TNS3: variants seen among roughly 807,000 people sequenced by gnomAD.
TNS3 encodes the protein tensin 3, also known as tensin-3.
In TNS3, 45 loss-of-function variants were observed where a neutral mutation model predicts 140.9. The ratio of observed to expected loss-of-function variants is 0.32; its 90% CI spans 0.25 to 0.41. The LOEUF (loss-of-function observed/expected upper bound fraction) is 0.41, where lower values mean the gene tolerates loss of function less well. TNS3 is among the 10% of genes least tolerant of loss of function. The probability of loss-of-function intolerance (pLI) is 1.00; values close to 1 mark genes in which losing one functional copy is unlikely to be tolerated. For missense variants in TNS3, 1,716 were observed against 1,906.7 expected, an observed-to-expected ratio of 0.90 and a Z score of 1.86; for synonymous variants, 815 against 788.4, an observed-to-expected ratio of 1.03 and a Z score of -0.56.
At chr7:47,320,738 T>C (rs986405797) in intron 20 of TNS3, among the ~76,000 whole-genome samples, 31 of 151,954 alleles carry the variant, frequency 2.0e-4, no homozygotes, top group African/African-American at 7.5e-4. Context: ...CATCCTGGGG[T>C]TCGGGTTAAG....
chr7:47,406,708 T>C (rs781473716), intron 13 of TNS3, among the ~76,000 whole-genome samples: 3 of 152,190 alleles, frequency 2.0e-5, no homozygotes, highest in Non-Finnish European at 4.4e-5. Flanking sequence ...TTCTGCTCGT[T>C]AGGATCCTCT....
intron 2 of TNS3, among the ~76,000 whole-genome samples, chr7:47,512,622 C>T (rs1349885466): frequency 2.0e-5 from 3 of 152,212 alleles, no homozygotes; most frequent in Middle Eastern, 6.8e-3. Context: ...CAGACATGCG[C>T]GGTGGCCTCA....
intron 3 of TNS3, among the ~76,000 whole-genome samples, chr7:47,497,139 T>C (rs918551816): frequency 1.3e-5 from 2 of 152,252 alleles, no homozygotes; most frequent in East Asian, 3.8e-4. Flanking sequence ...GAAGAAAATT[T>C]AGAAAATATA....
At chr7:47,497,662 AACACACACACACAC>A (rs6150097) in intron 3 of TNS3, among the ~76,000 whole-genome samples, 1 of 91,140 alleles carries the variant, frequency 1.1e-5, no homozygotes, top group African/African-American at 3.5e-5. Context: ...TCACGTATGG[AACACACACACACAC>A]ACACACACAC....
chr7:47,562,588 A>G (rs1800340193), intron 1 of TNS3, among the ~76,000 whole-genome samples: 1 of 152,046 alleles, frequency 6.6e-6, no homozygotes, highest in South Asian at 2.1e-4. Flanking sequence ...GTTTCATCAT[A>G]TGGGTCAGGC....
chr7:47,478,752 T>C (rs1797294423), intron 4 of TNS3, among the ~76,000 whole-genome samples: 1 of 152,122 alleles, frequency 6.6e-6, no homozygotes, highest in African/African-American at 2.4e-5. Context: ...TGTATTCATG[T>C]GTTGACACAT....
intron 11 of TNS3, among the ~76,000 whole-genome samples, chr7:47,414,568 G>T (rs1365518822): frequency 1.3e-5 from 2 of 152,180 alleles, no homozygotes; most frequent in Non-Finnish European, 2.9e-5. Context: ...GTGGAGACAG[G>T]GCCGTGATCC....
intron 20 of TNS3, among the ~76,000 whole-genome samples, chr7:47,332,187 G>C (rs754864609): frequency 5.3e-5 from 8 of 152,248 alleles, no homozygotes; most frequent in Admixed American, 2.0e-4. Flanking sequence ...TTTACCTCTT[G>C]ACGCCCAGTG....
At chr7:47,328,082 A>G (rs576297466) in intron 20 of TNS3, among the ~76,000 whole-genome samples, 1 of 152,272 alleles carries the variant, frequency 6.6e-6, no homozygotes, top group African/African-American at 2.4e-5. Flanking sequence ...CTACGTGGTG[A>G]GCAGAGTCCC....
chr7:47,370,302 A>C (rs1168297761), intron 16 of TNS3, among the ~76,000 whole-genome samples: 1 of 152,192 alleles, frequency 6.6e-6, no homozygotes, highest in Non-Finnish European at 1.5e-5. Flanking sequence ...AAAGAAAAAA[A>C]CTGAATGTCT....
rs3807589 is a variant in TNS3, at chr7:47,303,485, C to T, written c.2922G>A (p.Glu974=). The change falls in exon 22 of 31, where the codon GAG becomes GAA. Residue 974 remains glutamate (E), a synonymous_variant. Coordinates refer to ENST00000311160, the MANE Select transcript of TNS3 (RefSeq NM_022748.12). ...GGGAGTCCTTCCTGGTACCGGAGAA[C>T]TCAGCGCTGAGGGGACTTCCGGTGG... is the stretch of plus-strand genomic sequence containing the variant. The part of the protein sequence containing the change: ...GRPTGSPLSA[E]FSGTRKDSPV... 0.083 allele frequency: 133,321 copies of T among 1,610,766 alleles called. 6,150 individuals carry two copies. The highest frequency in any genetic ancestry group is 0.15 in the African/African-American group (11,488 of 74,996).
chr7:47,303,016 T>C lies in TNS3; in HGVS notation c.3391A>G (p.Ser1131Gly), dbSNP rs750496565. The C allele has an allele frequency of 1.9e-6, 3 of 1,613,904 alleles. No individual in the cohort carries two copies. In the Admixed American group the frequency reaches 5.0e-5, roughly 27 times the overall value. The change falls in exon 22 of 31, where the codon AGT becomes GGT. Residue 1131 changes from serine to glycine, a missense_variant. Coordinates refer to ENST00000311160, the MANE Select transcript of TNS3 (RefSeq NM_022748.12). ...FSSPHSGSTI[S>G]IPFPNVLPDF... ...GGAAGGACATTTGGGAAGGGGATAC[T>C]GATGGTGCTCCCGCTGTGCGGGCTG...
At chr7:47,428,588 TAA>T (rs1475039204) in intron 8 of TNS3, among the ~76,000 whole-genome samples, 1 of 152,018 alleles carries the variant, frequency 6.6e-6, no homozygotes, top group Non-Finnish European at 1.5e-5. Flanking sequence ...GTGCAAACAG[TAA>T]GAGTGGGTGC....
At chr7:47,339,145 C>T (rs1157215622) in intron 20 of TNS3, among the ~76,000 whole-genome samples, 1 of 152,088 alleles carries the variant, frequency 6.6e-6, no homozygotes, top group East Asian at 1.9e-4. Flanking sequence ...TTTTCTCCTA[C>T]TCTGCAGTTT....
At position 47,400,864 on chromosome 7, in the gene TNS3, GA is replaced by G; in HGVS notation, c.773del (p.Phe258SerfsTer39). Reference sequence around the variant, plus strand: ...CAGCCCCAGTGTGAAACTGCAGGCGGAAAATGACGTCACGGGTGGCCGAGCG... The same window carrying G: ...CAGCCCCAGTGTGAAACTGCAGGCGGAAATGACGTCACGGGTGGCCGAGCG... Reference protein sequence around the residue: ...KYRSATRDVIFRLQFHTGAVQ... With the variant: ...KYRSATRDVIXRLQFHTGAVQ... On this transcript the variant is annotated frameshift_variant, in exon 14 of 31. Coordinates refer to ENST00000311160, the MANE Select transcript of TNS3 (RefSeq NM_022748.12). LOFTEE classifies it high-confidence loss of function. The G allele has an allele frequency of 2.5e-6, 4 of 1,614,270 alleles. No individual in the cohort carries two copies. The highest frequency in any genetic ancestry group is 3.4e-6 in the Non-Finnish European group (4 of 1,180,044).
At position 47,423,070 on chromosome 7, in the gene TNS3, G is replaced by C. The variant is rs557298803; in HGVS notation, c.473+1031C>G. ...TGGAAATAGCAAGACAAAAGGAAAA[G>C]GTGCCTCTGGTGATGCTTGAAATCC... On this transcript the variant is annotated intron_variant, in intron 10 of 30. Coordinates refer to ENST00000311160, the MANE Select transcript of TNS3 (RefSeq NM_022748.12). Among the ~76,000 whole-genome samples the C allele has an allele frequency of 1.6e-3, 245 of 152,314 alleles. 2 individuals are homozygous for C. Among genetic ancestry groups the C allele is most frequent in the African/African-American group, 5.7e-3 (237 of 41,560 alleles).
rs540200457 is a variant in TNS3 at position 47,347,526 on chromosome 7, G to C, written c.2282-1170C>G. Among the ~76,000 whole-genome samples, 18 of 151,988 alleles carry C rather than the reference G, an allele frequency of 1.2e-4. No individual in the cohort carries two copies. The East Asian group carries it at 3.5e-3, about 29-fold the overall frequency. ...CTTGTTTCTGTCTGCAGCATGGGGG[G>C]GCTCCACTGCCCGACCCTACCAGCT... On this transcript the variant is annotated intron_variant, in intron 17 of 30. Transcript: ENST00000311160.
In TNS3 at chr7:47,400,960, C is replaced by A. The variant is rs771347443; in HGVS notation, c.724-46G>T. On this transcript the variant is annotated intron_variant, in intron 13 of 30. Coordinates refer to ENST00000311160, the MANE Select transcript of TNS3 (RefSeq NM_022748.12). ...AAAACAAAGTAGCTGCAGCGGGGGA[C>A]ACACGTTCCCGGCAAGGAACACACT... The A allele has an allele frequency of 1.9e-6, 3 of 1,609,840 alleles. No individual in the cohort carries two copies. In the South Asian group the frequency reaches 3.3e-5, roughly 18 times the overall value.
chr7:47,412,985 C>T lies in TNS3; in HGVS notation c.647+952G>A, dbSNP rs141294808. Reference sequence around the variant, plus strand: ...TTTCTTTTTTTTTCAGACCGAGTCTCGCTCTGTCGCCAGGCTGGAGTGCCA... The same window carrying T: ...TTTCTTTTTTTTTCAGACCGAGTCTTGCTCTGTCGCCAGGCTGGAGTGCCA... On this transcript the variant is annotated intron_variant, in intron 12 of 30. Transcript: ENST00000311160. Among the ~76,000 whole-genome samples the T allele has an allele frequency of 6.3e-3, 958 of 152,160 alleles. 5 individuals are homozygous for T. The highest frequency in any genetic ancestry group is 0.021 in the African/African-American group (887 of 41,508).
Sources: gnomAD v4.1 joint callset for allele counts (sites outside exome capture counted in the v4.1 genomes callset) on GRCh38, gnomAD v4.1.1 for gene constraint, MANE v1.5 for transcripts, NCBI Gene and HGNC (gene_info 2026-07-23, HGNC 2026-07-21) for gene names.